The following HIPK3 variants were observed in gnomAD, a reference collection of about 807,000 sequenced individuals.
HIPK3 encodes the protein homeodomain interacting protein kinase 3.
In HIPK3, 47 loss-of-function variants were observed where a neutral mutation model predicts 124.2. The ratio of observed to expected loss-of-function variants is 0.38; its 90% CI spans 0.30 to 0.48. The LOEUF (loss-of-function observed/expected upper bound fraction) is 0.48. Ranked by LOEUF, HIPK3 falls within the 20% of genes least tolerant of loss-of-function variation. The probability of loss-of-function intolerance (pLI) is 0.98; values close to 1 mark genes in which losing one functional copy is unlikely to be tolerated. For missense variants in HIPK3, 1,286 were observed against 1,454.3 expected (o/e 0.88, Z 1.88); for synonymous variants, 482 against 515.2 (o/e 0.94, Z 0.87).
intron 2 of HIPK3, among the ~76,000 whole-genome samples, chr11:33,309,059 C>G (rs962676597): frequency 6.6e-6 from 1 of 152,110 alleles, no homozygotes; most frequent in Non-Finnish European, 1.5e-5. Context: ...TTCGAGTGAG[C>G]AGTTTGCAAA....
At chr11:33,340,836 G>T in intron 6 of HIPK3, 132 bp from the exon 7 acceptor site, 1 of 499,910 alleles carries the variant, frequency 2.0e-6, no homozygotes, top group Non-Finnish European at 3.5e-6. Flanking sequence ...AAATACTATT[G>T]GAAATAAGCA....
intron 2 of HIPK3, among the ~76,000 whole-genome samples, chr11:33,322,623 C>T (rs994954697): frequency 8.6e-5 from 13 of 152,040 alleles, no homozygotes; most frequent in Admixed American, 1.3e-4. Context: ...GCCAGGAGTT[C>T]GAGACCAGCC....
intron 1 of HIPK3, chr11:33,258,672 A>G: frequency 1.0e-6 from 1 of 984,800 alleles, no homozygotes; most frequent in Non-Finnish European, 1.2e-6. Flanking sequence ...GTCGGGAGGG[A>G]GACGGCTGTT....
chr11:33,264,555 A>G (rs925090763), intron 1 of HIPK3, among the ~76,000 whole-genome samples: 3 of 152,190 alleles, frequency 2.0e-5, no homozygotes, highest in Admixed American at 1.3e-4. Context: ...TGTAGCTTTT[A>G]TAAATTATAT....
At chr11:33,292,840 A>G (rs1194382768) in intron 2 of HIPK3, among the ~76,000 whole-genome samples, 1 of 152,084 alleles carries the variant, frequency 6.6e-6, no homozygotes, top group Non-Finnish European at 1.5e-5. Flanking sequence ...GGTTCACGCC[A>G]TTCTCCTGCC....
intron 1 of HIPK3, among the ~76,000 whole-genome samples, chr11:33,283,713 T>C (rs1033413377): frequency 6.6e-6 from 1 of 151,446 alleles, no homozygotes; most frequent in Non-Finnish European, 1.5e-5. Flanking sequence ...CTCGCTCTGT[T>C]GCCCAGGCTG....
At chr11:33,271,051 A>G (rs929490701) in intron 1 of HIPK3, among the ~76,000 whole-genome samples, 1 of 152,202 alleles carries the variant, frequency 6.6e-6, no homozygotes, top group Non-Finnish European at 1.5e-5. Flanking sequence ...TAAGTTTTAT[A>G]TTAGTCTAGT....
rs1853315216 is a variant in HIPK3, at chr11:33,340,980, T to C, written c.1626T>C (p.Cys542=). Residue 542 remains cysteine, a synonymous_variant, in exon 7 of 17, where the codon TGT becomes TGC. Transcript: ENST00000303296. ...DFPHSNHVKS[C]FHIMDICKSH... ...TTTTCTTTTACAGTGTAAAGTCCTG[T>C]TTTCATATTATGGATATTTGTAAGT... The C allele has an allele frequency of 7.5e-6, 12 of 1,589,746 alleles. No individual in the cohort carries two copies. Among genetic ancestry groups the C allele is most frequent in the African/African-American group, 1.3e-5 (1 of 74,280 alleles).
intron 2 of HIPK3, among the ~76,000 whole-genome samples, chr11:33,317,417 T>C (rs1379841500): frequency 2.0e-5 from 3 of 151,530 alleles, no homozygotes; most frequent in Non-Finnish European, 4.4e-5. Flanking sequence ...CACACCACCA[T>C]GCTCAGCTAA....
chr11:33,348,610 T>A lies in HIPK3; in HGVS notation c.2458T>A (p.Cys820Ser), dbSNP rs1853567251. Residue 820 changes from cysteine to serine, a missense_variant, in exon 13 of 17, where the codon TGT becomes AGT. Cys to Ser is a moderately radical substitution (Grantham distance 112). Transcript: ENST00000303296. ...INGKDVEEVS[C>S]IETQDNQNSE... is the part of the protein sequence containing the mutation. The stretch of plus-strand genomic sequence containing the variant: ...TGGGAAAGATGTCGAGGAAGTAAGT[T>A]GTATAGAAACACAGGACAATCAGAA... 6.2e-7 allele frequency: 1 copy of A among 1,613,942 alleles called. No individual in the cohort carries two copies. Among genetic ancestry groups the A allele is most frequent in the African/African-American group, 1.3e-5 (1 of 74,924 alleles).
rs1039652567 is a variant in HIPK3, at chr11:33,341,308, G to A, written c.1773+181G>A. Among the ~76,000 whole-genome samples the A allele has an allele frequency of 2.0e-5, 3 of 151,992 alleles. No homozygotes were observed. The East Asian group carries it at 5.8e-4, about 29-fold the overall frequency. On this transcript the variant is annotated intron_variant, in intron 7 of 16. Coordinates refer to ENST00000303296, the MANE Select transcript of HIPK3 (RefSeq NM_005734.5). ...GTAATAATTGGAACATATCTACTCC[G>A]ATTCACTTTTTGCCATTCCTCTCTT...
Position 33,306,996 on chromosome 11 carries a change from C to T in HIPK3, c.1097+19485C>T, listed in dbSNP as rs112473075. On this transcript the variant is annotated intron_variant, in intron 2 of 16. Transcript: ENST00000303296. Reference sequence around the variant, plus strand: ...CTCTGTCGCCCAGGCTGGAGTCCAGCGGTGCGAACTCAGCTCGCTGCAACC... The same window carrying T: ...CTCTGTCGCCCAGGCTGGAGTCCAGTGGTGCGAACTCAGCTCGCTGCAACC... Among the ~76,000 whole-genome samples the T allele has an allele frequency of 4.5e-3, 660 of 148,176 alleles. 1 individual carries two copies. Among genetic ancestry groups the T allele is most frequent in the Middle Eastern group, 0.026 (7 of 268 alleles).
intron 2 of HIPK3, among the ~76,000 whole-genome samples, chr11:33,288,693 T>A (rs1298029212): frequency 1.3e-5 from 2 of 152,244 alleles, no homozygotes; most frequent in Non-Finnish European, 2.9e-5. Flanking sequence ...AACTAATGAT[T>A]ACCAAGATTC....
rs900775952 is a variant in HIPK3 at position 33,348,241 on chromosome 11, T to G, written c.2369+13T>G. 1 of 1,609,050 alleles carries G rather than the reference T, an allele frequency of 6.2e-7. No homozygotes were observed. Among genetic ancestry groups the G allele is most frequent in the African/African-American group, 1.3e-5 (1 of 74,818 alleles). ...ATGCTTTCAGTTGGTAAGATTGTCT[T>G]TATTGCCCTTTTGATTTATTATCTA... On this transcript the variant is annotated intron_variant, in intron 12 of 16. Coordinates refer to ENST00000303296, the MANE Select transcript of HIPK3 (RefSeq NM_005734.5).
At chr11:33,256,766 A>G, upstream of HIPK3, 1 of 955,406 alleles carries the variant, frequency 1.0e-6, no homozygotes, top group Non-Finnish European at 1.2e-6. Context: ...GGCGAACTTC[A>G]CAATTATGGG....
intron 1 of HIPK3, among the ~76,000 whole-genome samples, chr11:33,277,622 A>G (rs746431771): frequency 6.6e-6 from 1 of 152,240 alleles, no homozygotes; most frequent in Non-Finnish European, 1.5e-5. Flanking sequence ...GATACTACAT[A>G]TAGTGCTGCA....
intron 1 of HIPK3, among the ~76,000 whole-genome samples, chr11:33,285,856 C>T (rs1346190591): frequency 1.3e-5 from 2 of 152,026 alleles, no homozygotes; most frequent in Non-Finnish European, 2.9e-5. Context: ...ACTGCAACCT[C>T]CACCTCCCAG....
At chr11:33,300,723 T>A (rs552517689) in intron 2 of HIPK3, among the ~76,000 whole-genome samples, 7 of 152,208 alleles carry the variant, frequency 4.6e-5, no homozygotes, top group African/African-American at 1.7e-4. Flanking sequence ...TTGTGGGTGT[T>A]TATGTGTGTA....
rs1382106752 is a variant in HIPK3 at position 33,355,976 on chromosome 11, C to G, written c.*2408C>G. On this transcript the variant is annotated 3_prime_UTR_variant, in exon 17 of 17. Transcript: ENST00000303296. ...AGCCTTCTAATTTTATTTATATGTT[C>G]CAGCAGATTATTAGGATCTGCTTAC... 2 of 151,906 alleles carry G rather than the reference C, an allele frequency of 1.3e-5. No homozygotes were observed. Among genetic ancestry groups the G allele is most frequent in the East Asian group, 1.9e-4 (1 of 5,194 alleles). The allele number at this position is 151,906 out of a possible 1,614,324, so 9.4% of individuals were successfully genotyped here.
Sources: allele counts gnomAD v4.1 joint callset (sites outside exome capture counted in the v4.1 genomes callset), GRCh38; gene constraint gnomAD v4.1.1; transcripts MANE v1.5; gene names NCBI Gene and HGNC (gene_info 2026-07-23, HGNC 2026-07-21).